SYTL2: variants seen among roughly 807,000 people sequenced by gnomAD.
SYTL2 encodes synaptotagmin like 2.
In SYTL2, 165 loss-of-function variants were observed where a neutral mutation model predicts 198.7. The ratio of observed to expected loss-of-function variants is 0.83; its 90% CI spans 0.73 to 0.94. The LOEUF (loss-of-function observed/expected upper bound fraction) is 0.94. Ranked by LOEUF, SYTL2 falls within the 40% of genes least tolerant of loss-of-function variation. SYTL2 has a pLI of 0.00. For synonymous variants in SYTL2, 966 were observed against 917.7 expected, an observed-to-expected ratio of 1.05 and a Z score of -0.95; for missense variants, 2,835 against 2,582.8, an observed-to-expected ratio of 1.10 and a Z score of -2.12.
In SYTL2 at chr11:85,734,050, C is replaced by T. The variant is rs1316615150; in HGVS notation, c.1279G>A (p.Val427Ile). The T allele has an allele frequency of 1.2e-6, 2 of 1,613,986 alleles. No individual in the cohort carries two copies. The highest frequency in any genetic ancestry group is 1.7e-5 in the Admixed American group (1 of 60,004). The change falls in exon 7 of 20, where the codon GTT becomes ATT. Residue 427 changes from valine (V) to isoleucine (I), a missense_variant. Transcript: ENST00000359152. ...PINGLHSHSE[V>I]LTARPQSMEN... ...ATAGACTGTGGTCTTGCAGTTAAAACTTCTGAATGAGAATGCAGCCCATTA... is the reference window on the plus strand; with the variant it reads ...ATAGACTGTGGTCTTGCAGTTAAAATTTCTGAATGAGAATGCAGCCCATTA...
At chr11:85,718,927 G>C (rs2087817343) in intron 9 of SYTL2, 84 bp from the exon 10 acceptor site, 2 of 1,567,432 alleles carry the variant, frequency 1.3e-6, no homozygotes, top group East Asian at 2.4e-5. Flanking sequence ...GAAGCCCCCG[G>C]AGTTGGAAGC....
chr11:85,826,960 C>T, the SYTL2 span, among the ~76,000 whole-genome samples: 1 of 152,176 alleles, frequency 6.6e-6, no homozygotes, highest in Admixed American at 6.5e-5. Context: ...ACACCATAAC[C>T]CTGAGTGTTT....
chr11:85,745,823 C>T (rs925570117), intron 3 of SYTL2, 51 bp from the exon 4 acceptor site: 5 of 1,557,838 alleles, frequency 3.2e-6, no homozygotes, highest in Non-Finnish European at 4.4e-6. Flanking sequence ...CCTCCATGAC[C>T]TACAACTCTC....
At chr11:85,718,580 C>A (rs2087745078) in intron 10 of SYTL2, 1 of 580,412 alleles carries the variant, frequency 1.7e-6, no homozygotes. Flanking sequence ...TGATGAGATC[C>A]TCATGACAGT....
At chr11:85,814,742 G>C (rs1323503266), upstream of SYTL2, among the ~76,000 whole-genome samples, 2 of 152,146 alleles carry the variant, frequency 1.3e-5, no homozygotes, top group Admixed American at 1.3e-4. Flanking sequence ...AGTTTTATCA[G>C]CTAGTAAGTA....
At chr11:85,845,772 C>A in the SYTL2 span, among the ~76,000 whole-genome samples, 1 of 151,982 alleles carries the variant, frequency 6.6e-6, no homozygotes, top group Non-Finnish European at 1.5e-5. Flanking sequence ...AAAAATTAGC[C>A]GGGCATGGTG....
At chr11:85,764,001 G>C (rs1408021674) in intron 1 of SYTL2, among the ~76,000 whole-genome samples, 1 of 152,216 alleles carries the variant, frequency 6.6e-6, no homozygotes, top group Non-Finnish European at 1.5e-5. Context: ...ATGATCATCA[G>C]ATCACACTGC....
chr11:85,781,844 A>T (rs886435999), intron 1 of SYTL2, among the ~76,000 whole-genome samples: 1 of 152,046 alleles, frequency 6.6e-6, no homozygotes, highest in Non-Finnish European at 1.5e-5. Flanking sequence ...GCGCAACTCC[A>T]CCCCTGTGGC....
At chr11:85,818,787 C>G in the SYTL2 span, among the ~76,000 whole-genome samples, 2 of 152,072 alleles carry the variant, frequency 1.3e-5, no homozygotes, top group African/African-American at 4.8e-5. Context: ...ACCTCCCGAA[C>G]TCAAGCATTC....
chr11:85,751,848 T>C (rs12362177), intron 2 of SYTL2, among the ~76,000 whole-genome samples: 2,435 of 152,350 alleles, frequency 0.016, 32 homozygotes, highest in Non-Finnish European at 0.027. Flanking sequence ...AAAAGCCATA[T>C]CTAAACCCTG....
chr11:85,833,350 CACG>C, the SYTL2 span, among the ~76,000 whole-genome samples: 1 of 146,774 alleles, frequency 6.8e-6, no homozygotes, highest in Non-Finnish European at 1.5e-5. Context: ...CATATATATA[CACG>C]ATATATATAT....
At chr11:85,790,137 A>G (rs1404418281) in intron 1 of SYTL2, among the ~76,000 whole-genome samples, 2 of 152,290 alleles carry the variant, frequency 1.3e-5, no homozygotes, top group Non-Finnish European at 2.9e-5. Flanking sequence ...TTTTGTGCAT[A>G]GAACAAAGTT....
At position 85,724,948 on chromosome 11, in the gene SYTL2, T is replaced by G; in HGVS notation, c.4410A>C (p.Gln1470His). The change falls in exon 8 of 20, where the codon CAA (glutamine) becomes CAC (histidine). Residue 1470 changes from glutamine to histidine, a missense_variant. Gln to His is a conservative substitution (Grantham distance 24). Around this residue, in one of 3 missense-constraint regions of SYTL2, gnomAD observed 2,645 missense variants for 2,381.7 expected, o/e 1.11. Transcript: ENST00000359152. ...TLSSFASIVA[Q>H]YGKGLPQEVE... ...CTTCCTGAGGGAGGCCTTTGCCATA[T>G]TGAGCAACAATGGAAGCAAATGAGC... 8 of 1,613,962 alleles carry G rather than the reference T, an allele frequency of 5.0e-6. No homozygotes were observed. The highest frequency in any genetic ancestry group is 6.8e-6 in the Non-Finnish European group (8 of 1,179,944).
chr11:85,732,428 T>A (rs2089911305), intron 7 of SYTL2, among the ~76,000 whole-genome samples: 1 of 152,162 alleles, frequency 6.6e-6, no homozygotes, highest in Non-Finnish European at 1.5e-5. Context: ...AAGGATGAGT[T>A]CATGTCCTCT....
At chr11:85,796,175 C>A (rs2153636682) in intron 1 of SYTL2, among the ~76,000 whole-genome samples, 1 of 152,274 alleles carries the variant, frequency 6.6e-6, no homozygotes, top group East Asian at 1.9e-4. Context: ...CAGGGCTACC[C>A]CTTAAAAGCT....
At chr11:85,780,005 G>A (rs980166055) in intron 1 of SYTL2, among the ~76,000 whole-genome samples, 19 of 152,146 alleles carry the variant, frequency 1.2e-4, no homozygotes, top group African/African-American at 4.6e-4. Flanking sequence ...TGCAAAGTGA[G>A]GGAACTAAAA....
the SYTL2 span, among the ~76,000 whole-genome samples, chr11:85,828,649 TTATAAAC>T: frequency 6.6e-6 from 1 of 152,194 alleles, no homozygotes; most frequent in Non-Finnish European, 1.5e-5. Flanking sequence ...ACTTAGCAAT[TTATAAAC>T]TATAATCACA....
the SYTL2 span, chr11:85,854,240 T>C: frequency 5.3e-5 from 8 of 150,800 alleles, no homozygotes; most frequent in African/African-American, 2.0e-4. Context: ...CATAATATTA[T>C]CAAGAACTGT....
In SYTL2 at chr11:85,757,907, T is replaced by C. The variant is rs2091957995; in HGVS notation, c.-182A>G. 4 of 723,548 alleles carry C rather than the reference T, an allele frequency of 5.5e-6. No homozygotes were observed. In the Admixed American group the frequency reaches 8.2e-5, roughly 15 times the overall value. 44.8% of individuals were successfully genotyped at this position (723,548 alleles called of 1,614,324 possible). On this transcript the variant is annotated 5_prime_UTR_variant, in exon 2 of 20. Coordinates refer to ENST00000359152, the MANE Select transcript of SYTL2 (RefSeq NM_206927.4). The stretch of plus-strand genomic sequence containing the variant: ...GGGCAGCTGATAGCAAGATCCTAAG[T>C]GCTCTTTCCCATGAGGAAGTCCTGG...
Sources: allele counts gnomAD v4.1 joint callset (sites outside exome capture counted in the v4.1 genomes callset), GRCh38; gene constraint gnomAD v4.1.1; regional missense constraint gnomAD v4.1.1; transcripts MANE v1.5; gene names NCBI Gene and HGNC (gene_info 2026-07-23, HGNC 2026-07-21).